The following PLPP1 variants were observed in gnomAD, a reference collection of about 807,000 sequenced individuals.
PLPP1 encodes the protein lipid phosphate phosphohydrolase 1a.
Under a neutral mutation model 31.2 loss-of-function variants are expected in PLPP1, and 24 were observed. The ratio of observed to expected loss-of-function variants is 0.77; its 90% CI spans 0.56 to 1.08. PLPP1 has a LOEUF of 1.08. Ranked by LOEUF, PLPP1 falls within the 50% of genes least tolerant of loss-of-function variation. PLPP1 has a pLI of 0.00. For missense variants in PLPP1, 319 were observed against 342.7 expected, an observed-to-expected ratio of 0.93 and a Z score of 0.55; for synonymous variants, 146 against 126.3, an observed-to-expected ratio of 1.16 and a Z score of -1.05.
intron 1 of PLPP1, among the ~76,000 whole-genome samples, chr5:55,514,673 G>A (rs1422452862): frequency 1.3e-5 from 2 of 152,054 alleles, no homozygotes; most frequent in East Asian, 1.9e-4. Flanking sequence ...AAACACACAC[G>A]CTTTTTTTTT....
chr5:55,463,385 G>A (rs1266128807), intron 3 of PLPP1, among the ~76,000 whole-genome samples: 6 of 152,162 alleles, frequency 3.9e-5, no homozygotes, highest in Non-Finnish European at 8.8e-5. Flanking sequence ...AGTTGGGCCA[G>A]GAGCGGTGGC....
chr5:55,522,279 T>A (rs972915987), intron 1 of PLPP1, among the ~76,000 whole-genome samples: 1 of 152,264 alleles, frequency 6.6e-6, no homozygotes, highest in Non-Finnish European at 1.5e-5. Flanking sequence ...AGAAAAAGTC[T>A]GTGAGCATGT....
chr5:55,449,938 G>A (rs972770094), intron 3 of PLPP1, among the ~76,000 whole-genome samples: 3 of 151,594 alleles, frequency 2.0e-5, no homozygotes, highest in Admixed American at 6.6e-5. Context: ...AATATAAAAC[G>A]GTCCCCACCA....
chr5:55,468,409 A>C (rs1752350530), intron 2 of PLPP1: 1 of 326,640 alleles, frequency 3.1e-6, no homozygotes, highest in Non-Finnish European at 5.6e-6. Flanking sequence ...TACCTAAAAT[A>C]ACAAGATCTT....
chr5:55,495,921 G>A lies in PLPP1; in HGVS notation c.59-20471C>T, dbSNP rs189315859. ...CCAGGCTGGAGTAGTGCAGAGGTGC[G>A]ATCTTGGCTCACTGCAACCTCTGCC... On this transcript the variant is annotated intron_variant, in intron 1 of 5. Transcript: ENST00000307259. Among the ~76,000 whole-genome samples, 10 of 152,112 alleles carry A rather than the reference G, an allele frequency of 6.6e-5. No homozygotes were observed. The East Asian group carries it at 1.7e-3, about 26-fold the overall frequency.
intron 4 of PLPP1, among the ~76,000 whole-genome samples, chr5:55,439,885 A>G (rs532856045): frequency 1.3e-5 from 2 of 152,322 alleles, no homozygotes; most frequent in East Asian, 1.9e-4. Context: ...CCAGAATGCC[A>G]TTTTACTTCC....
intron 1 of PLPP1, among the ~76,000 whole-genome samples, chr5:55,478,513 G>A (rs1047361445): frequency 1.3e-5 from 2 of 152,164 alleles, no homozygotes; most frequent in East Asian, 3.9e-4. Flanking sequence ...CTCAGCAGAA[G>A]GGGTCTAGGA....
intron 2 of PLPP1, among the ~76,000 whole-genome samples, chr5:55,468,829 A>T (rs1418078362): frequency 6.6e-6 from 1 of 152,118 alleles, no homozygotes; most frequent in Admixed American, 6.6e-5. Flanking sequence ...ACATACATAC[A>T]TACCTACTTC....
At chr5:55,471,697 A>C (rs761137523) in intron 2 of PLPP1, among the ~76,000 whole-genome samples, 3 of 152,224 alleles carry the variant, frequency 2.0e-5, no homozygotes, top group Non-Finnish European at 1.5e-5. Context: ...CCTGGTATGC[A>C]GTCTTAATCA....
intron 1 of PLPP1, among the ~76,000 whole-genome samples, chr5:55,481,989 T>C (rs1476699242): frequency 6.7e-6 from 1 of 149,378 alleles, no homozygotes; most frequent in Non-Finnish European, 1.5e-5. Context: ...GGGAAATACA[T>C]ATATATATTT....
chr5:55,448,826 C>T (rs1048980891), intron 3 of PLPP1, among the ~76,000 whole-genome samples: 1 of 152,082 alleles, frequency 6.6e-6, no homozygotes, highest in African/African-American at 2.4e-5. Context: ...CCAAGGATAC[C>T]AAAATCCATG....
chr5:55,426,391 A>G (rs942602751), intron 4 of PLPP1, among the ~76,000 whole-genome samples: 1 of 152,042 alleles, frequency 6.6e-6, no homozygotes, highest in Non-Finnish European at 1.5e-5. Flanking sequence ...CAGTGCTGCC[A>G]TTGGTTTTTT....
At chr5:55,491,217 C>G (rs1317766868) in intron 1 of PLPP1, 4 of 1,288,776 alleles carry the variant, frequency 3.1e-6, no homozygotes, top group Non-Finnish European at 4.2e-6. Flanking sequence ...ATATTTTGCC[C>G]TCTCTGGAGA....
chr5:55,452,870 A>C (rs1751922747), intron 3 of PLPP1, among the ~76,000 whole-genome samples: 1 of 152,220 alleles, frequency 6.6e-6, no homozygotes, highest in Admixed American at 6.5e-5. Flanking sequence ...TAGTTGCATA[A>C]GATATGTTAA....
At chr5:55,439,980 G>A (rs1360051461) in intron 4 of PLPP1, among the ~76,000 whole-genome samples, 4 of 152,102 alleles carry the variant, frequency 2.6e-5, no homozygotes, top group African/African-American at 9.7e-5. Context: ...ATGGGATCCT[G>A]ATTATCAAGA....
At chr5:55,521,386 G>A (rs1385809441) in intron 1 of PLPP1, among the ~76,000 whole-genome samples, 1 of 150,056 alleles carries the variant, frequency 6.7e-6, no homozygotes. Context: ...GCATGGTGGT[G>A]CACACCTGCA....
chr5:55,432,098 C>CTTTTTTTT (rs869025950), intron 4 of PLPP1, among the ~76,000 whole-genome samples: 6 of 7,122 alleles, frequency 8.4e-4, no homozygotes, highest in Non-Finnish European at 1.5e-3. Context: ...TCTTTTTCTT[C>CTTTTTTTT]TTTTTTTTTT....
At chr5:55,464,235 CTTT>C (rs35680320) in intron 3 of PLPP1, among the ~76,000 whole-genome samples, 32 of 139,234 alleles carry the variant, frequency 2.3e-4, no homozygotes, top group Non-Finnish European at 2.9e-4. Context: ...TTCAGAACAT[CTTT>C]TTTTTTTTTT....
intron 3 of PLPP1, among the ~76,000 whole-genome samples, chr5:55,461,380 AGC>A (rs1335020662): frequency 6.8e-4 from 103 of 152,310 alleles, no homozygotes; most frequent in African/African-American, 2.4e-3. Context: ...ATAAAATATT[AGC>A]AAACCAAATC....
Sources: allele counts gnomAD v4.1 joint callset (sites outside exome capture counted in the v4.1 genomes callset), GRCh38; gene constraint gnomAD v4.1.1; transcripts MANE v1.5; gene names NCBI Gene and HGNC (gene_info 2026-07-23, HGNC 2026-07-21).